MYO1E: variants seen among roughly 807,000 people sequenced by gnomAD.
MYO1E encodes the protein unconventional myosin-Ie.
A neutral mutation model predicts 151.1 loss-of-function variants in MYO1E; 68 were observed. The ratio of observed to expected loss-of-function variants is 0.45; its 90% CI spans 0.37 to 0.55. The LOEUF (loss-of-function observed/expected upper bound fraction) is 0.55. Among genes scored for constraint, MYO1E ranks in the 20% least tolerant of loss-of-function variants. The probability of loss-of-function intolerance (pLI) is 0.00; values close to 1 mark genes in which losing one functional copy is unlikely to be tolerated. For missense variants in MYO1E, 1,363 were observed against 1,389.3 expected, an observed-to-expected ratio of 0.98 and a Z score of 0.30; for synonymous variants, 601 against 501.7, an observed-to-expected ratio of 1.20 and a Z score of -2.64.
intron 22 of MYO1E, among the ~76,000 whole-genome samples, chr15:59,168,019 C>G (rs566498530): frequency 4.6e-5 from 7 of 152,182 alleles, no homozygotes; most frequent in Non-Finnish European, 1.0e-4. Context: ...ATCAAATTAT[C>G]CTGGAGTCCC....
At chr15:59,288,472 C>T (rs1282484191) in intron 1 of MYO1E, among the ~76,000 whole-genome samples, 2 of 152,186 alleles carry the variant, frequency 1.3e-5, no homozygotes, top group Admixed American at 6.5e-5. Context: ...CTGTCATACC[C>T]AGCCCCGTTC....
chr15:59,321,047 C>T (rs939650156), intron 1 of MYO1E, among the ~76,000 whole-genome samples: 2 of 152,062 alleles, frequency 1.3e-5, no homozygotes, highest in African/African-American at 4.8e-5. Flanking sequence ...GATACTTCTC[C>T]AAACAAGACG....
At chr15:59,267,242 G>GT (rs1357818633) in intron 2 of MYO1E, among the ~76,000 whole-genome samples, 3 of 150,366 alleles carry the variant, frequency 2.0e-5, no homozygotes, top group Non-Finnish European at 4.4e-5. Flanking sequence ...GGCCAAGATG[G>GT]TCTCAATCTC....
At chr15:59,232,805 A>C (rs1310783065) in intron 5 of MYO1E, among the ~76,000 whole-genome samples, 9 of 152,224 alleles carry the variant, frequency 5.9e-5, no homozygotes, top group African/African-American at 2.2e-4. Context: ...AAGAGGAGTA[A>C]ATTAATGAAC....
intron 1 of MYO1E, among the ~76,000 whole-genome samples, chr15:59,291,981 A>G (rs997231116): frequency 5.9e-5 from 9 of 152,208 alleles, no homozygotes; most frequent in African/African-American, 2.2e-4. Flanking sequence ...AGGAAACCAC[A>G]GCTCTTTTGC....
intron 2 of MYO1E, among the ~76,000 whole-genome samples, chr15:59,271,374 G>A (rs75428262): frequency 2.9e-3 from 442 of 152,270 alleles, no homozygotes; most frequent in African/African-American, 0.01. Context: ...AGTCATCCAT[G>A]ATACCATACT....
chr15:59,368,414 G>A (rs1023988539), intron 1 of MYO1E, among the ~76,000 whole-genome samples: 1 of 151,886 alleles, frequency 6.6e-6, no homozygotes, highest in Non-Finnish European at 1.5e-5. Flanking sequence ...TTTGAGACCA[G>A]CCTGGCCAAC....
chr15:59,202,292 T>C (rs569493394), intron 16 of MYO1E, 34 bp downstream of exon 16: 4 of 1,587,618 alleles, frequency 2.5e-6, no homozygotes, highest in African/African-American at 1.3e-5. Flanking sequence ...CTAGCCCTTA[T>C]AAGAATCTAT....
chr15:59,302,062 T>C (rs944976791), intron 1 of MYO1E, among the ~76,000 whole-genome samples: 2 of 152,176 alleles, frequency 1.3e-5, no homozygotes, highest in East Asian at 1.9e-4. Context: ...CTAAAGCCTC[T>C]GTTGGAGGTA....
chr15:59,270,559 AG>A (rs752647001), intron 2 of MYO1E, among the ~76,000 whole-genome samples: 1 of 149,726 alleles, frequency 6.7e-6, no homozygotes, highest in Non-Finnish European at 1.5e-5. Flanking sequence ...AAAAAAAAAA[AG>A]AAAAGAAAAA....
intron 1 of MYO1E, among the ~76,000 whole-genome samples, chr15:59,288,833 T>C (rs1391169462): frequency 6.6e-6 from 1 of 152,174 alleles, no homozygotes; most frequent in Non-Finnish European, 1.5e-5. Flanking sequence ...CGACAGACAG[T>C]AGCTGCAGAG....
chr15:59,141,695 G>A (rs1254378249), intron 26 of MYO1E, among the ~76,000 whole-genome samples: 1 of 151,904 alleles, frequency 6.6e-6, no homozygotes, highest in African/African-American at 2.4e-5. Context: ...CTACTTGGGA[G>A]GCTGAGGCAG....
chr15:59,281,603 C>A (rs770772679), intron 1 of MYO1E, among the ~76,000 whole-genome samples: 2 of 151,952 alleles, frequency 1.3e-5, no homozygotes, highest in Non-Finnish European at 2.9e-5. Context: ...ATACACCACA[C>A]CATATTGCAA....
intron 4 of MYO1E, among the ~76,000 whole-genome samples, chr15:59,255,242 G>T (rs1324108855): frequency 1.3e-5 from 2 of 151,998 alleles, no homozygotes; most frequent in African/African-American, 4.8e-5. Flanking sequence ...AGCCTCCTCA[G>T]TAGCTGGGAC....
chr15:59,173,096 A>C (rs2079605175), intron 21 of MYO1E, among the ~76,000 whole-genome samples: 1 of 152,172 alleles, frequency 6.6e-6, no homozygotes, highest in Non-Finnish European at 1.5e-5. Flanking sequence ...GGAGGTGAAA[A>C]ATCAACTGTT....
intron 22 of MYO1E, among the ~76,000 whole-genome samples, chr15:59,171,419 G>A (rs1363550014): frequency 2.0e-5 from 3 of 152,088 alleles, no homozygotes; most frequent in East Asian, 1.9e-4. Flanking sequence ...AGCATCTCAC[G>A]ATGACTCCAG....
At position 59,228,020 on chromosome 15, in the gene MYO1E, C is replaced by A. The variant is rs143084974; in HGVS notation, c.511-430G>T. 6.1e-4 allele frequency among the ~76,000 whole-genome samples: 93 copies of A among 152,312 alleles called. 5 individuals are homozygous for A. Among genetic ancestry groups the A allele is most frequent in the African/African-American group, 2.1e-3 (87 of 41,574 alleles). ...CCTACGGAGCATCTAAAATGTTTATCTAGAACGGAAACACTTTATTAAAAG... is the reference window on the plus strand; with the variant it reads ...CCTACGGAGCATCTAAAATGTTTATATAGAACGGAAACACTTTATTAAAAG... On this transcript the variant is annotated intron_variant, in intron 6 of 27. Coordinates refer to ENST00000288235, the MANE Select transcript of MYO1E (RefSeq NM_004998.4).
At chr15:59,367,006 A>C (rs1386197943) in intron 1 of MYO1E, among the ~76,000 whole-genome samples, 12 of 150,234 alleles carry the variant, frequency 8.0e-5, no homozygotes, top group Admixed American at 1.3e-4. Context: ...GCAAAAAAAA[A>C]AAAAAAAAAA....
At chr15:59,317,293 C>T (rs1214147519) in intron 1 of MYO1E, among the ~76,000 whole-genome samples, 1 of 152,206 alleles carries the variant, frequency 6.6e-6, no homozygotes, top group Non-Finnish European at 1.5e-5. Context: ...CTGATAAGAG[C>T]TGTGTATGCT....
Sources: allele counts gnomAD v4.1 joint callset (sites outside exome capture counted in the v4.1 genomes callset), GRCh38; gene constraint gnomAD v4.1.1; transcripts MANE v1.5; gene names NCBI Gene and HGNC (gene_info 2026-07-23, HGNC 2026-07-21).